ST3GAL3: variants seen among roughly 807,000 people sequenced by gnomAD.
ST3GAL3 encodes the protein CMP-N-acetylneuraminate-beta-1,4-galactoside alpha-2,3-sialyltransferase.
A neutral mutation model predicts 50.1 loss-of-function variants in ST3GAL3; 21 were observed. The ratio of observed to expected loss-of-function variants is 0.42; its 90% CI spans 0.30 to 0.60. The LOEUF (loss-of-function observed/expected upper bound fraction) is 0.60, where lower values mean the gene tolerates loss of function less well. Among genes scored for constraint, ST3GAL3 ranks in the 20% least tolerant of loss-of-function variants. The pLI is 0.19. For missense variants in ST3GAL3, 353 were observed against 489.4 expected (o/e 0.72, Z 2.63); for synonymous variants, 183 against 190.0 (o/e 0.96, Z 0.30).
chr1:43,769,684 A>G (rs1694351745), intron 2 of ST3GAL3, among the ~76,000 whole-genome samples: 1 of 152,198 alleles, frequency 6.6e-6, no homozygotes, highest in East Asian at 1.9e-4. Flanking sequence ...TTTCATTCAC[A>G]TACTCTCTTT....
rs975615032 is a variant in ST3GAL3 at position 43,737,340 on chromosome 1, T to A, written c.118+960T>A. The A allele has an allele frequency of 2.0e-5, 3 of 152,138 alleles. No individual in the cohort carries two copies. Among genetic ancestry groups the A allele is most frequent in the African/African-American group, 7.2e-5 (3 of 41,432 alleles). 9.4% of individuals were successfully genotyped at this position (152,138 alleles called of 1,614,324 possible). ...GGTACAAGGTGAAAGTGAGCTGCAGTGAGTGGGAAGAAGCAACGGGCAATT... is the reference window on the plus strand; with the variant it reads ...GGTACAAGGTGAAAGTGAGCTGCAGAGAGTGGGAAGAAGCAACGGGCAATT... On this transcript the variant is annotated intron_variant, in intron 2 of 11. Transcript: ENST00000347631. This position sits in a 1 kb window ranked among gnomAD's most constrained non-coding sequence, Gnocchi z 4.0.
At chr1:43,755,651 C>T (rs1360507017) in intron 2 of ST3GAL3, among the ~76,000 whole-genome samples, 1 of 151,688 alleles carries the variant, frequency 6.6e-6, no homozygotes, top group African/African-American at 2.4e-5. Flanking sequence ...AAATAACAGA[C>T]CAAATATACA....
chr1:43,852,257 G>C (rs2067473589), intron 5 of ST3GAL3, among the ~76,000 whole-genome samples: 1 of 152,206 alleles, frequency 6.6e-6, no homozygotes, highest in Non-Finnish European at 1.5e-5. Flanking sequence ...AGAGAGATGG[G>C]GAGGGGATGG....
intron 5 of ST3GAL3, among the ~76,000 whole-genome samples, chr1:43,885,851 G>A (rs945943863): frequency 2.6e-5 from 4 of 152,204 alleles, no homozygotes; most frequent in African/African-American, 4.8e-5. Context: ...CGGGGAGTCA[G>A]GGGAGACTGT....
At chr1:43,898,495 A>T in intron 7 of ST3GAL3, 197 bp downstream of exon 7, 2 of 655,464 alleles carry the variant, frequency 3.1e-6, no homozygotes, top group Non-Finnish European at 5.6e-6. Context: ...GGCTGTCAGC[A>T]CTTGGCAGGA....
intron 9 of ST3GAL3, among the ~76,000 whole-genome samples, chr1:43,906,659 T>C (rs201280252): frequency 6.6e-6 from 1 of 151,018 alleles, no homozygotes; most frequent in African/African-American, 2.4e-5. Context: ...CTGCTCCTCT[T>C]CCCGCCACTC....
At chr1:43,926,318 G>A (rs1204628498) in intron 11 of ST3GAL3, among the ~76,000 whole-genome samples, 1 of 152,198 alleles carries the variant, frequency 6.6e-6, no homozygotes, top group Non-Finnish European at 1.5e-5. Flanking sequence ...GCCGGGCGCG[G>A]TCCCTCACGC....
chr1:43,883,837 C>G (rs2075553429), intron 5 of ST3GAL3, among the ~76,000 whole-genome samples: 1 of 152,224 alleles, frequency 6.6e-6, no homozygotes. Context: ...TGTCTTACAA[C>G]TACCCTTCTG....
At position 43,729,093 on chromosome 1, in the gene ST3GAL3, T is replaced by C. The variant is rs1426423630; in HGVS notation, c.-30-7140T>C. ...TTTGTAGAGACAATTATTTTTCTTTTTTTTTTTTTTTTTTGAGACAGATTC... is the reference window on the plus strand; with the variant it reads ...TTTGTAGAGACAATTATTTTTCTTTCTTTTTTTTTTTTTTGAGACAGATTC... On this transcript the variant is annotated intron_variant, in intron 1 of 11. Transcript: ENST00000347631. Among the ~76,000 whole-genome samples the C allele has an allele frequency of 1.9e-4, 28 of 146,720 alleles. 1 individual carries two copies. Among genetic ancestry groups the C allele is most frequent in the Admixed American group, 9.5e-4 (14 of 14,782 alleles).
chr1:43,803,743 A>G (rs2059578927), intron 3 of ST3GAL3, among the ~76,000 whole-genome samples: 2 of 152,184 alleles, frequency 1.3e-5, no homozygotes, highest in African/African-American at 2.4e-5. Flanking sequence ...TAAGGCGGCA[A>G]TGGAAGAGTT....
chr1:43,809,436 T>G (rs1240881471), intron 3 of ST3GAL3, among the ~76,000 whole-genome samples: 2 of 152,170 alleles, frequency 1.3e-5, no homozygotes, highest in Non-Finnish European at 2.9e-5. Flanking sequence ...GTGCAATGGC[T>G]TACATCTGTA....
intron 9 of ST3GAL3, among the ~76,000 whole-genome samples, chr1:43,907,679 T>C (rs2080046923): frequency 6.6e-6 from 1 of 152,210 alleles, no homozygotes; most frequent in Admixed American, 6.5e-5. Context: ...CTGCCATTCA[T>C]GGTCAGTTCT....
At chr1:43,752,260 A>G (rs1686440198) in intron 2 of ST3GAL3, among the ~76,000 whole-genome samples, 2 of 152,184 alleles carry the variant, frequency 1.3e-5, no homozygotes, top group Non-Finnish European at 2.9e-5. Flanking sequence ...CAACAAGTTA[A>G]TGCCTTTTTT....
At position 43,896,360 on chromosome 1, in the gene ST3GAL3, T is replaced by TA. The variant is rs1401510425; in HGVS notation, c.398-1871dup. ...ATTTTGGAGACATCTTTTCTTTACA[T>TA]AAAATATTTCAAGCATACAAAAAAT... On this transcript the variant is annotated intron_variant, in intron 6 of 11. Transcript: ENST00000347631. 7.2e-5 allele frequency among the ~76,000 whole-genome samples: 11 copies of TA among 152,258 alleles called. No homozygotes were observed. The South Asian group carries it at 2.1e-3, about 29-fold the overall frequency.
At chr1:43,879,513 T>C (rs1468734191) in intron 5 of ST3GAL3, 8 of 426,930 alleles carry the variant, frequency 1.9e-5, no homozygotes. Context: ...GAGAGGTAAG[T>C]GGGTGAATTT....
In ST3GAL3 at chr1:43,867,027, C is replaced by T. The variant is rs532156431; in HGVS notation, c.303-27356C>T. On this transcript the variant is annotated intron_variant, in intron 5 of 11. Coordinates refer to ENST00000347631, the MANE Select transcript of ST3GAL3 (RefSeq NM_006279.5). ...TGTCTGTAATCGCAGCTACTTGGGACGCTTATGCAGGAGAGTCGCTTCAAC... is the reference window on the plus strand; with the variant it reads ...TGTCTGTAATCGCAGCTACTTGGGATGCTTATGCAGGAGAGTCGCTTCAAC... Among the ~76,000 whole-genome samples, 15 of 152,148 alleles carry T rather than the reference C, an allele frequency of 9.9e-5. No individual in the cohort carries two copies. The East Asian group carries it at 1.6e-3, about 16-fold the overall frequency.
At chr1:43,780,370 A>G (rs965623439) in intron 2 of ST3GAL3, among the ~76,000 whole-genome samples, 2 of 152,108 alleles carry the variant, frequency 1.3e-5, no homozygotes, top group African/African-American at 4.8e-5. Context: ...AAATTTCATG[A>G]TAATATACCT....
chr1:43,927,731 G>A (rs1242868512), intron 11 of ST3GAL3, among the ~76,000 whole-genome samples: 1 of 152,210 alleles, frequency 6.6e-6, no homozygotes, highest in African/African-American at 2.4e-5. Context: ...AGTCTTCAAA[G>A]AATGGGGATG....
intron 11 of ST3GAL3, chr1:43,922,720 A>C (rs2083250976): frequency 6.6e-6 from 1 of 151,224 alleles, no homozygotes; most frequent in African/African-American, 2.4e-5. Context: ...GAATTGCTTG[A>C]ACCTGGGAGG....
Sources: gnomAD v4.1 joint callset for allele counts (sites outside exome capture counted in the v4.1 genomes callset) on GRCh38, gnomAD v4.1.1 for gene constraint, Gnocchi (gnomAD v3.1) non-coding constraint, MANE v1.5 for transcripts, NCBI Gene and HGNC (gene_info 2026-07-23, HGNC 2026-07-21) for gene names.